BICC1: variants seen among roughly 807,000 people sequenced by gnomAD.
The protein encoded by BICC1 is BicC family RNA binding protein 1.
In BICC1, 43 loss-of-function variants were observed where a neutral mutation model predicts 111.0. The ratio of observed to expected loss-of-function variants is 0.39; its 90% CI spans 0.30 to 0.50. The LOEUF (loss-of-function observed/expected upper bound fraction) is 0.50. Among genes scored for constraint, BICC1 ranks in the 20% least tolerant of loss-of-function variants. BICC1 has a pLI of 0.88. For missense variants in BICC1, 1,091 were observed against 1,203.2 expected, an observed-to-expected ratio of 0.91 and a Z score of 1.38; for synonymous variants, 467 against 434.4, an observed-to-expected ratio of 1.07 and a Z score of -0.93.
chr10:58,728,882 TAAA>T (rs548361602), intron 3 of BICC1, among the ~76,000 whole-genome samples: 286 of 152,222 alleles, frequency 1.9e-3, no homozygotes, highest in African/African-American at 6.5e-3. Flanking sequence ...ATTTTAATAT[TAAA>T]AAAAGGAATC....
chr10:58,563,261 G>T (rs1658441), intron 1 of BICC1, among the ~76,000 whole-genome samples: 3 of 151,998 alleles, frequency 2.0e-5, no homozygotes, highest in Non-Finnish European at 2.9e-5. Context: ...TGGGTCCTGG[G>T]GGTTGCGGGG....
At chr10:58,722,256 G>T (rs1840961666) in intron 3 of BICC1, among the ~76,000 whole-genome samples, 1 of 152,180 alleles carries the variant, frequency 6.6e-6, no homozygotes, top group Admixed American at 6.5e-5. Flanking sequence ...CACTGGGGTG[G>T]TCCTATCCAT....
At chr10:58,730,048 A>G (rs2393488) in intron 3 of BICC1, among the ~76,000 whole-genome samples, 145,794 of 152,272 alleles carry the variant, frequency 0.96, 70,161 homozygotes, top group Middle Eastern at 1. Flanking sequence ...ATTAACTAAG[A>G]TGTCCAAAGT....
chr10:58,774,407 TGAA>T (rs1842697098), intron 3 of BICC1, among the ~76,000 whole-genome samples: 1 of 152,234 alleles, frequency 6.6e-6, no homozygotes, highest in African/African-American at 2.4e-5. Flanking sequence ...AGTTCTGACT[TGAA>T]TACATTTTTT....
intron 1 of BICC1, among the ~76,000 whole-genome samples, chr10:58,533,752 C>A (rs1842745055): frequency 6.6e-6 from 1 of 151,644 alleles, no homozygotes; most frequent in Non-Finnish European, 1.5e-5. Flanking sequence ...AAATATAAAG[C>A]TCTCTGGTGA....
At chr10:58,535,948 C>CATT (rs1308763280) in intron 1 of BICC1, among the ~76,000 whole-genome samples, 10 of 148,302 alleles carry the variant, frequency 6.7e-5, no homozygotes, top group Admixed American at 6.7e-4. Flanking sequence ...ATAAAACAGA[C>CATT]ATTAAGGCAA....
At position 58,800,900 on chromosome 10, in the gene BICC1, T is replaced by C. The variant is rs775944489; in HGVS notation, c.1869T>C (p.Asp623=). ...PKSSPTEGCN[D]AFVEVGMPRS... ...CCTTTTCCTCTGCAGGTTGTAATGATGCTTTTGTTGAAGTAGGCATGCCTC... is the reference window on the plus strand; with the variant it reads ...CCTTTTCCTCTGCAGGTTGTAATGACGCTTTTGTTGAAGTAGGCATGCCTC... Residue 623 remains aspartate, a synonymous_variant, in exon 14 of 21, where the codon GAT becomes GAC. Coordinates refer to ENST00000373886, the MANE Select transcript of BICC1 (RefSeq NM_001080512.3). The C allele has an allele frequency of 1.9e-6, 3 of 1,599,648 alleles. No homozygotes were observed. The African/African-American group carries it at 4.1e-5, about 22-fold the overall frequency.
At chr10:58,799,716 T>C (rs1333030746) in intron 12 of BICC1, among the ~76,000 whole-genome samples, 1 of 152,112 alleles carries the variant, frequency 6.6e-6, no homozygotes, top group African/African-American at 2.4e-5. Flanking sequence ...TTTCTATTTT[T>C]TTTTTATGCC....
chr10:58,528,399 A>T (rs189614736), intron 1 of BICC1, among the ~76,000 whole-genome samples: 110 of 152,050 alleles, frequency 7.2e-4, no homozygotes, highest in African/African-American at 2.5e-3. Context: ...TTTGTATCTA[A>T]TCTGGATTAG....
At chr10:58,668,083 G>T (rs1050382725) in intron 2 of BICC1, among the ~76,000 whole-genome samples, 1 of 151,990 alleles carries the variant, frequency 6.6e-6, no homozygotes, top group East Asian at 1.9e-4. Context: ...ATATTTCACG[G>T]TCATCCGGCT....
At chr10:58,645,983 CTT>C (rs1300367198) in intron 2 of BICC1, among the ~76,000 whole-genome samples, 1 of 152,008 alleles carries the variant, frequency 6.6e-6, no homozygotes, top group Non-Finnish European at 1.5e-5. Flanking sequence ...ACTTAAATAA[CTT>C]TGCTGGATGA....
chr10:58,724,111 C>T (rs1344072063), intron 3 of BICC1, among the ~76,000 whole-genome samples: 1 of 152,152 alleles, frequency 6.6e-6, no homozygotes, highest in East Asian at 1.9e-4. Flanking sequence ...TATGAAACAG[C>T]CGATCAGTGC....
rs79857338 is a variant in BICC1 at position 58,657,409 on chromosome 10, T to G, written c.237+36508T>G. ...TTGTATGTTCCTGAGGAACGTGCAC[T>G]AGTAGTTTTTGTGTATCTCAGTAGG... On this transcript the variant is annotated intron_variant, in intron 2 of 20. Coordinates refer to ENST00000373886, the MANE Select transcript of BICC1 (RefSeq NM_001080512.3). Among the ~76,000 whole-genome samples the G allele has an allele frequency of 2.0e-5, 3 of 152,146 alleles. No individual in the cohort carries two copies. In the East Asian group the frequency reaches 5.8e-4, roughly 29 times the overall value.
chr10:58,735,685 C>T (rs1841444945), intron 3 of BICC1, among the ~76,000 whole-genome samples: 1 of 152,122 alleles, frequency 6.6e-6, no homozygotes, highest in Admixed American at 6.6e-5. Context: ...GAAACTGAAG[C>T]CCATGTGCAA....
chr10:58,668,340 A>G (rs1253332997), intron 2 of BICC1, among the ~76,000 whole-genome samples: 2 of 152,092 alleles, frequency 1.3e-5, no homozygotes, highest in African/African-American at 4.8e-5. Flanking sequence ...ATGACCTTAT[A>G]AAATAAAGGG....
chr10:58,563,409 A>C (rs947573354), intron 1 of BICC1, among the ~76,000 whole-genome samples: 3 of 152,152 alleles, frequency 2.0e-5, no homozygotes, highest in Non-Finnish European at 4.4e-5. Flanking sequence ...CATTGCAGGC[A>C]TCCATGGTGG....
chr10:58,689,640 G>A (rs1839855010), intron 2 of BICC1, among the ~76,000 whole-genome samples: 1 of 152,226 alleles, frequency 6.6e-6, no homozygotes, highest in East Asian at 1.9e-4. Context: ...TTCTGTGAAT[G>A]TGTTACTCTG....
chr10:58,787,856 C>T (rs988663382), intron 5 of BICC1, among the ~76,000 whole-genome samples: 1 of 152,148 alleles, frequency 6.6e-6, no homozygotes, highest in East Asian at 1.9e-4. Flanking sequence ...CTGTACCCCC[C>T]ACCACAATGC....
At chr10:58,529,342 G>A (rs946055200) in intron 1 of BICC1, among the ~76,000 whole-genome samples, 7 of 151,826 alleles carry the variant, frequency 4.6e-5, no homozygotes, top group Admixed American at 1.3e-4. Flanking sequence ...AAATACATCT[G>A]TATCTGTCCA....
Sources: gnomAD v4.1 joint callset for allele counts (sites outside exome capture counted in the v4.1 genomes callset) on GRCh38, gnomAD v4.1.1 for gene constraint, MANE v1.5 for transcripts, NCBI Gene and HGNC (gene_info 2026-07-23, HGNC 2026-07-21) for gene names.